CENPW: variants seen among roughly 807,000 people sequenced by gnomAD.
CENPW encodes cancer-up-regulated gene 2 protein.
A neutral mutation model predicts 11.1 loss-of-function variants in CENPW; 3 were observed. That is an observed-to-expected ratio of 0.27 (90% CI 0.12 to 0.70). The LOEUF (loss-of-function observed/expected upper bound fraction) is 0.70, where lower values mean the gene tolerates loss of function less well. CENPW is among the 30% of genes least tolerant of loss of function. CENPW has a pLI of 0.77. For synonymous variants in CENPW, 38 were observed against 42.0 expected (o/e 0.91, Z 0.37); for missense variants, 100 against 105.6 (o/e 0.95, Z 0.23).
In CENPW at chr6:126,346,298, C is replaced by A; in HGVS notation, c.220C>A (p.His74Asn). Reference sequence around the variant, plus strand: ...TAAATGTAGAGTCATTAACAAGGAGCATGTACTGGCCGCAGCAAAGGTAAA... The same window carrying A: ...TAAATGTAGAGTCATTAACAAGGAGAATGTACTGGCCGCAGCAAAGGTAAA... ...ASKCRVINKE[H>N]VLAAAKVILK... is the part of the protein sequence containing the mutation. Residue 74 changes from histidine (H) to asparagine (N), a missense_variant, in exon 2 of 3, where the codon CAT becomes AAT. By Grantham distance (68) the His-to-Asn change is moderately conservative. Coordinates refer to ENST00000368328, the MANE Select transcript of CENPW (RefSeq NM_001012507.4). 6.3e-7 allele frequency: 1 copy of A among 1,599,836 alleles called. No homozygotes were observed. The highest frequency in any genetic ancestry group is 8.5e-7 in the Non-Finnish European group (1 of 1,169,664).
the CENPW span, among the ~76,000 whole-genome samples, chr6:126,454,004 A>T: frequency 2.6e-5 from 4 of 151,508 alleles, no homozygotes; most frequent in Admixed American, 1.3e-4. Flanking sequence ...AAAGGGTTCA[A>T]TTCAACAAGA....
At chr6:126,387,097 T>A in the CENPW span, among the ~76,000 whole-genome samples, 1 of 152,002 alleles carries the variant, frequency 6.6e-6, no homozygotes, top group Non-Finnish European at 1.5e-5. Flanking sequence ...TTAATTTTGA[T>A]TATAAATTAA....
the CENPW span, among the ~76,000 whole-genome samples, chr6:126,450,908 A>G: frequency 6.6e-6 from 1 of 150,994 alleles, no homozygotes; most frequent in Non-Finnish European, 1.5e-5. Context: ...TTGTCAGTGA[A>G]TGAATAATCC....
At chr6:126,350,682 AC>A (rs1258335237), downstream of CENPW, among the ~76,000 whole-genome samples, 1 of 152,182 alleles carries the variant, frequency 6.6e-6, no homozygotes, top group African/African-American at 2.4e-5. Context: ...GGGAAAGAAT[AC>A]CTGTGTGGTC....
the CENPW span, among the ~76,000 whole-genome samples, chr6:126,387,978 C>T: frequency 6.6e-6 from 1 of 151,896 alleles, no homozygotes; most frequent in South Asian, 2.1e-4. Context: ...GCCTTGCAGA[C>T]TATTTGGCTG....
the CENPW span, among the ~76,000 whole-genome samples, chr6:126,409,970 A>G: frequency 6.6e-6 from 1 of 151,586 alleles, no homozygotes; most frequent in Non-Finnish European, 1.5e-5. Flanking sequence ...GTGGTTTTAT[A>G]TATTCTTTTG....
At chr6:126,421,691 C>A in the CENPW span, among the ~76,000 whole-genome samples, 10 of 151,702 alleles carry the variant, frequency 6.6e-5, no homozygotes. Context: ...CCTGGCAAAC[C>A]TTCAGTCTTG....
At chr6:126,391,308 A>G in the CENPW span, among the ~76,000 whole-genome samples, 3 of 151,782 alleles carry the variant, frequency 2.0e-5, no homozygotes, top group African/African-American at 7.3e-5. Flanking sequence ...TCATTTTCTA[A>G]TCAGATTATT....
the CENPW span, among the ~76,000 whole-genome samples, chr6:126,368,648 T>C: frequency 6.6e-6 from 1 of 150,824 alleles, no homozygotes. Flanking sequence ...ACCCAATGTG[T>C]AGTTTTTTTT....
chr6:126,402,791 C>T, the CENPW span, among the ~76,000 whole-genome samples: 3 of 152,038 alleles, frequency 2.0e-5, no homozygotes, highest in South Asian at 4.2e-4. Flanking sequence ...CTCTTTTTGA[C>T]TATTATTAAT....
chr6:126,360,697 A>T, the CENPW span, among the ~76,000 whole-genome samples: 1 of 151,218 alleles, frequency 6.6e-6, no homozygotes, highest in Non-Finnish European at 1.5e-5. Flanking sequence ...TTTTCCCCCC[A>T]ACTTGGTCTA....
the CENPW span, among the ~76,000 whole-genome samples, chr6:126,378,327 A>C: frequency 1.3e-5 from 2 of 152,040 alleles, no homozygotes; most frequent in African/African-American, 4.8e-5. Flanking sequence ...GATCACTTGT[A>C]GAGTTTTCTA....
At chr6:126,374,670 T>C in the CENPW span, among the ~76,000 whole-genome samples, 2 of 152,178 alleles carry the variant, frequency 1.3e-5, no homozygotes, top group African/African-American at 2.4e-5. Flanking sequence ...ACAGTAGTTA[T>C]GGTGTGAAGT....
At chr6:126,354,575 T>G in the CENPW span, among the ~76,000 whole-genome samples, 7 of 152,150 alleles carry the variant, frequency 4.6e-5, no homozygotes, top group Non-Finnish European at 8.8e-5. Context: ...AAGGAAAAAC[T>G]GACCTTGTAA....
the CENPW span, among the ~76,000 whole-genome samples, chr6:126,459,289 G>A: frequency 6.6e-6 from 1 of 151,262 alleles, no homozygotes; most frequent in Non-Finnish European, 1.5e-5. Context: ...TTAGAGAATA[G>A]AAACTTTGCT....
the CENPW span, among the ~76,000 whole-genome samples, chr6:126,410,011 C>T: frequency 1.3e-5 from 2 of 151,668 alleles, no homozygotes; most frequent in Admixed American, 6.6e-5. Flanking sequence ...GTTTTATCAT[C>T]GTGATATGGT....
the CENPW span, among the ~76,000 whole-genome samples, chr6:126,407,525 G>T: frequency 6.6e-6 from 1 of 152,126 alleles, no homozygotes; most frequent in African/African-American, 2.4e-5. Context: ...TTCCAAAATG[G>T]TTGAATTAAT....
At chr6:126,340,479 C>T in intron 1 of CENPW, 80 bp downstream of exon 1, 1 of 1,606,516 alleles carries the variant, frequency 6.2e-7, no homozygotes, top group Non-Finnish European at 8.5e-7. Flanking sequence ...TGTTTTTCCG[C>T]CCCGAGCCAA....
the CENPW span, among the ~76,000 whole-genome samples, chr6:126,435,485 T>C: frequency 6.6e-6 from 1 of 151,870 alleles, no homozygotes; most frequent in African/African-American, 2.4e-5. Flanking sequence ...TATCTTATAT[T>C]TGTTTATATA....
Sources: allele counts gnomAD v4.1 joint callset (sites outside exome capture counted in the v4.1 genomes callset), GRCh38; gene constraint gnomAD v4.1.1; transcripts MANE v1.5; gene names NCBI Gene and HGNC (gene_info 2026-07-23, HGNC 2026-07-21).